TRDN: variants seen among roughly 807,000 people sequenced by gnomAD.
TRDN encodes the protein triadin.
TRDN carries 161 observed loss-of-function variants against 149.7 expected under a neutral mutation model. The ratio of observed to expected loss-of-function variants is 1.08; its 90% confidence interval spans 0.95 to 1.23. TRDN has a LOEUF of 1.23. Ranked by LOEUF, TRDN falls within the 50% of genes most tolerant of loss-of-function variation. TRDN has a pLI of 0.00. For missense variants in TRDN, 896 were observed against 823.5 expected, an observed-to-expected ratio of 1.09 and a Z score of -1.08; for synonymous variants, 294 against 250.5, an observed-to-expected ratio of 1.17 and a Z score of -1.64.
At chr6:123,247,417 C>T (rs973705150) in intron 38 of TRDN, among the ~76,000 whole-genome samples, 7 of 152,134 alleles carry the variant, frequency 4.6e-5, no homozygotes, top group Admixed American at 1.3e-4. Context: ...GATACAAAAT[C>T]AATGTGCAAA....
intron 12 of TRDN, among the ~76,000 whole-genome samples, chr6:123,405,585 G>A (rs556181377): frequency 6.6e-6 from 1 of 152,144 alleles, no homozygotes; most frequent in Non-Finnish European, 1.5e-5. Flanking sequence ...AACACAATTG[G>A]TTTCTGTATT....
chr6:123,528,127 G>C (rs1780040364), intron 5 of TRDN, among the ~76,000 whole-genome samples: 1 of 151,914 alleles, frequency 6.6e-6, no homozygotes, highest in Non-Finnish European at 1.5e-5. Context: ...TATTTAATGT[G>C]GTTGCCTATA....
intron 22 of TRDN, among the ~76,000 whole-genome samples, chr6:123,335,395 G>T (rs899863900): frequency 3.3e-5 from 5 of 151,714 alleles, no homozygotes; most frequent in African/African-American, 1.2e-4. Flanking sequence ...AATGTCAATT[G>T]TAAAATTATC....
At chr6:123,320,336 G>C (rs984202311) in intron 23 of TRDN, among the ~76,000 whole-genome samples, 3 of 151,488 alleles carry the variant, frequency 2.0e-5, no homozygotes, top group Non-Finnish European at 2.9e-5. Context: ...TTGTTTATTA[G>C]CTCTCTAACC....
At chr6:123,623,181 TC>T (rs1304219838) in intron 1 of TRDN, among the ~76,000 whole-genome samples, 1 of 151,990 alleles carries the variant, frequency 6.6e-6, no homozygotes, top group Non-Finnish European at 1.5e-5. Context: ...TCTTTTTTTT[TC>T]CCTTTCTATT....
chr6:123,446,542 G>A (rs150256250), intron 10 of TRDN, among the ~76,000 whole-genome samples: 21,480 of 136,128 alleles, frequency 0.16, 2,275 homozygotes, highest in African/African-American at 0.32. Context: ...CTGAGATTGT[G>A]CCACTGCACT....
At chr6:123,288,831 A>T (rs1395262070) in intron 24 of TRDN, among the ~76,000 whole-genome samples, 1 of 151,938 alleles carries the variant, frequency 6.6e-6, no homozygotes, top group Non-Finnish European at 1.5e-5. Context: ...TCCTCAAAAA[A>T]ACTAGAATTA....
Position 123,497,224 on chromosome 6 carries a change from A to G in TRDN, c.822T>C (p.Ile274=), listed in dbSNP as rs748547790. The change falls in exon 9 of 41, where the codon ATT becomes ATC. Residue 274 remains isoleucine, a synonymous_variant. Coordinates refer to ENST00000334268, the MANE Select transcript of TRDN (RefSeq NM_006073.4). ...TTAAATCCCCATGGACAAATATGTC[A>G]ATCATATATCGACAGAATGCATACT... ...KDQYAFCRYM[I]DIFVHGDLKP... is the part of the protein sequence containing the mutation. 1.3e-6 allele frequency: 2 copies of G among 1,560,216 alleles called. No individual in the cohort carries two copies. Among genetic ancestry groups the G allele is most frequent in the South Asian group, 1.2e-5 (1 of 83,244 alleles).
chr6:123,224,706 A>G (rs766742634), intron 38 of TRDN, among the ~76,000 whole-genome samples: 52 of 151,768 alleles, frequency 3.4e-4, no homozygotes, highest in Non-Finnish European at 5.3e-4. Flanking sequence ...GGATATCTAT[A>G]TGCAAAAGGA....
Position 123,218,692 on chromosome 6 carries a change from T to C in TRDN, c.2099A>G (p.Tyr700Cys), listed in dbSNP as rs1176786457. 3 of 1,599,584 alleles carry C rather than the reference T, an allele frequency of 1.9e-6. No individual in the cohort carries two copies. Among genetic ancestry groups the C allele is most frequent in the East Asian group, 4.5e-5 (2 of 44,492 alleles). ...QCVYLDGYNG[Y>C]GFQFPFTPAD... ...AGGAGTGAAAGGAAACTGAAATCCATAGCCATTGTACCCATCCAAGTAGAC... is the reference window on the plus strand; with the variant it reads ...AGGAGTGAAAGGAAACTGAAATCCACAGCCATTGTACCCATCCAAGTAGAC... The change falls in exon 41 of 41, where the codon TAT (tyrosine) becomes TGT (cysteine). Residue 700 changes from tyrosine to cysteine, a missense_variant. By Grantham distance (194) the Tyr-to-Cys change is radical. Coordinates refer to ENST00000334268, the MANE Select transcript of TRDN (RefSeq NM_006073.4).
chr6:123,561,408 G>T (rs772618297), intron 2 of TRDN, among the ~76,000 whole-genome samples: 19 of 152,064 alleles, frequency 1.2e-4, no homozygotes, highest in Non-Finnish European at 2.2e-4. Context: ...ATTCAGGCGG[G>T]TCTGTCCTCG....
At chr6:123,519,473 G>GTTTTTTTTTTTTTTTTTTTTT (rs762378636) in intron 5 of TRDN, among the ~76,000 whole-genome samples, 12 of 73,926 alleles carry the variant, frequency 1.6e-4, no homozygotes, top group African/African-American at 4.0e-4. Flanking sequence ...TGACCCTGTG[G>GTTTTTTTTTTTTTTTTTTTTT]TTTTTTTTTT....
At chr6:123,271,881 C>T (rs979900001) in intron 29 of TRDN, among the ~76,000 whole-genome samples, 4 of 151,918 alleles carry the variant, frequency 2.6e-5, no homozygotes, top group Non-Finnish European at 5.9e-5. Context: ...CAAGACAATG[C>T]ATTTGATGTA....
At chr6:123,351,354 A>G (rs1780457039) in intron 21 of TRDN, 12 of 979,060 alleles carry the variant, frequency 1.2e-5, no homozygotes, top group Non-Finnish European at 1.5e-5. Context: ...TTTTAAAAAA[A>G]TAAATTTAGA....
intron 20 of TRDN, 35 bp downstream of exon 20, chr6:123,366,100 T>G (rs377389831): frequency 6.5e-7 from 1 of 1,549,972 alleles, no homozygotes; most frequent in Non-Finnish European, 8.9e-7. Flanking sequence ...AAATAACTTA[T>G]AGTTATGACA....
chr6:123,275,346 C>T (rs4346869), intron 26 of TRDN, among the ~76,000 whole-genome samples: 2 of 151,740 alleles, frequency 1.3e-5, no homozygotes, highest in African/African-American at 4.8e-5. Context: ...GATGACCACG[C>T]GATAATAGAG....
At chr6:123,278,592 C>T (rs1338621171) in intron 25 of TRDN, among the ~76,000 whole-genome samples, 5 of 152,118 alleles carry the variant, frequency 3.3e-5, no homozygotes, top group African/African-American at 1.2e-4. Flanking sequence ...CATGGTGGCT[C>T]ATGCCTGTAA....
At chr6:123,397,546 T>C (rs928895511) in intron 12 of TRDN, among the ~76,000 whole-genome samples, 4 of 152,026 alleles carry the variant, frequency 2.6e-5, no homozygotes, top group African/African-American at 9.7e-5. Context: ...TATCTAACTA[T>C]AAAAATGAAA....
At chr6:123,224,024 A>G (rs1199501482) in intron 39 of TRDN, 69 bp downstream of exon 39, 3 of 1,481,494 alleles carry the variant, frequency 2.0e-6, no homozygotes, top group African/African-American at 1.4e-5. Context: ...GAAAAAAAAA[A>G]AAAAGACAGA....
Sources: gnomAD v4.1 joint callset for allele counts (sites outside exome capture counted in the v4.1 genomes callset) on GRCh38, gnomAD v4.1.1 for gene constraint, MANE v1.5 for transcripts, NCBI Gene and HGNC (gene_info 2026-07-23, HGNC 2026-07-21) for gene names.